Variants in ZNF667 observed in about 807,000 individuals in gnomAD.
ZNF667 encodes zinc finger protein 667.
Under a neutral mutation model 31.8 loss-of-function variants are expected in ZNF667, and 13 were observed. The observed-to-expected ratio is 0.41, with a 90% CI of 0.27 to 0.65. The LOEUF (loss-of-function observed/expected upper bound fraction) is 0.65. Ranked by LOEUF, ZNF667 falls within the 30% of genes least tolerant of loss-of-function variation. ZNF667 has a pLI of 0.32. For missense variants in ZNF667, 642 were observed against 725.6 expected (o/e 0.88, Z 1.32); for synonymous variants, 228 against 247.1 (o/e 0.92, Z 0.73).
Position 56,440,793 on chromosome 19 carries a change from C to T in ZNF667, c.*369G>A, listed in dbSNP as rs1168732737. On this transcript the variant is annotated 3_prime_UTR_variant, in exon 7 of 7. Transcript: ENST00000504904. Reference sequence around the variant, plus strand: ...CTGAGATTACAGGTGCGCACCACCACGCCCAGCTAATTTTGTATTTTTTAG... The same window carrying T: ...CTGAGATTACAGGTGCGCACCACCATGCCCAGCTAATTTTGTATTTTTTAG... 1.3e-5 allele frequency: 8 copies of T among 613,264 alleles called. No individual in the cohort carries two copies. The highest frequency in any genetic ancestry group is 1.2e-4 in the African/African-American group (6 of 50,598). The allele number at this position is 613,264 out of a possible 1,614,324, so 38.0% of individuals were successfully genotyped here.
intron 4 of ZNF667, 110 bp from the exon 5 acceptor site, chr19:56,460,925 T>C: frequency 8.5e-7 from 1 of 1,183,040 alleles, no homozygotes. Context: ...CAAGAATCAT[T>C]CAGGAAGCAT....
At position 56,442,705 on chromosome 19, in the gene ZNF667, G is replaced by A. The variant is rs752230226; in HGVS notation, c.290C>T (p.Pro97Leu). 23 of 1,602,690 alleles carry A rather than the reference G, an allele frequency of 1.4e-5. No individual in the cohort carries two copies. The highest frequency in any genetic ancestry group is 6.8e-6 in the Non-Finnish European group (8 of 1,176,268). Residue 97 changes from proline (P) to leucine (L), a missense_variant, in exon 7 of 7, where the codon CCA becomes CTA. Coordinates refer to ENST00000504904, the MANE Select transcript of ZNF667 (RefSeq NM_001321356.2). ...TTGCCCAGATTTGTTGCATTGATTT[G>A]GAGGTAACTTCTTGGTCTCACATTT... is the stretch of plus-strand genomic sequence containing the variant. ...GSKCETKKLPPNQCNKSGQSI... is the reference protein window; with the variant it reads ...GSKCETKKLPLNQCNKSGQSI...
intron 1 of ZNF667, chr19:56,475,866 C>T (rs1267284362): frequency 3.3e-5 from 5 of 152,258 alleles, no homozygotes; most frequent in Admixed American, 2.6e-4. Context: ...CCTGCCTACA[C>T]AATTCTGAAC....
In ZNF667 at chr19:56,440,688, G is replaced by A. The variant is rs2042582990; in HGVS notation, c.*474C>T. The A allele has an allele frequency of 1.4e-6, 1 of 739,412 alleles. No homozygotes were observed. Among genetic ancestry groups the A allele is most frequent in the Non-Finnish European group, 1.7e-6 (1 of 604,872 alleles). The allele number at this position is 739,412 out of a possible 1,614,324, so 45.8% of individuals were successfully genotyped here. On this transcript the variant is annotated 3_prime_UTR_variant, in exon 7 of 7. Coordinates refer to ENST00000504904, the MANE Select transcript of ZNF667 (RefSeq NM_001321356.2). ...GTCTTGCTCTGTTGCCCAGACTGGA[G>A]TGCAGTGGTGCAATCTCTGCTCGGT...
intron 3 of ZNF667, among the ~76,000 whole-genome samples, chr19:56,466,355 C>G (rs1233418203): frequency 6.6e-6 from 1 of 152,210 alleles, no homozygotes; most frequent in Non-Finnish European, 1.5e-5. Context: ...CTCTATCACA[C>G]CCCTCAGCTG....
chr19:56,447,390 C>G (rs1012965191), intron 6 of ZNF667, among the ~76,000 whole-genome samples: 1 of 152,128 alleles, frequency 6.6e-6, no homozygotes, highest in Non-Finnish European at 1.5e-5. Context: ...AGTAAATCTA[C>G]AAGAAAGATT....
chr19:56,461,195 G>C (rs1015036962), intron 4 of ZNF667, among the ~76,000 whole-genome samples: 21 of 152,134 alleles, frequency 1.4e-4, no homozygotes, highest in African/African-American at 4.6e-4. Flanking sequence ...AGAGAGATGA[G>C]AAAACTTACT....
intron 3 of ZNF667, chr19:56,467,138 G>A (rs2043179741): frequency 6.9e-6 from 3 of 435,652 alleles, no homozygotes; most frequent in South Asian, 3.3e-5. Flanking sequence ...AGCACTGTGT[G>A]CCATGCCGGC....
At chr19:56,446,381 T>C (rs1187441584) in intron 6 of ZNF667, among the ~76,000 whole-genome samples, 1 of 152,218 alleles carries the variant, frequency 6.6e-6, no homozygotes, top group African/African-American at 2.4e-5. Flanking sequence ...TTTCCTTTTT[T>C]CTTTTCCTTT....
chr19:56,466,904 C>T, intron 3 of ZNF667: 1 of 423,998 alleles, frequency 2.4e-6, no homozygotes, highest in Non-Finnish European at 4.7e-6. Context: ...TTTCCCATTC[C>T]TTCTCCTGCT....
intron 5 of ZNF667, among the ~76,000 whole-genome samples, chr19:56,458,833 T>C (rs982176123): frequency 6.6e-6 from 1 of 152,154 alleles, no homozygotes; most frequent in Non-Finnish European, 1.5e-5. Flanking sequence ...CTCTGTAATA[T>C]CTTTTACACT....
intron 6 of ZNF667, among the ~76,000 whole-genome samples, chr19:56,449,986 T>A (rs60214906): frequency 0.078 from 11,764 of 151,282 alleles, 940 homozygotes; most frequent in East Asian, 0.33. Flanking sequence ...ATCTAGTATA[T>A]AGACCCAAAA....
intron 6 of ZNF667, among the ~76,000 whole-genome samples, chr19:56,450,430 G>T (rs949541282): frequency 6.6e-6 from 1 of 152,188 alleles, no homozygotes; most frequent in East Asian, 1.9e-4. Context: ...AAAGCTGAGA[G>T]ATTTTGTCAA....
rs1201114581 is a variant in ZNF667 at position 56,439,873 on chromosome 19, TTG to T, written c.*1287_*1288del. 6.6e-6 allele frequency: 1 copy of T among 152,352 alleles called. No homozygotes were observed. The highest frequency in any genetic ancestry group is 1.9e-4 in the East Asian group (1 of 5,200). 9.4% of individuals were successfully genotyped at this position (152,352 alleles called of 1,614,324 possible). ...CGGGGTTTCACCGTGTTAGCCAGGA[TTG>T]TCTCAATCTCCTGACCTCATGATCC... On this transcript the variant is annotated 3_prime_UTR_variant, in exon 7 of 7. Transcript: ENST00000504904.
chr19:56,460,698 C>A lies in ZNF667; in HGVS notation c.151G>T (p.Val51Phe). 6.2e-7 allele frequency: 1 copy of A among 1,611,540 alleles called. No individual in the cohort carries two copies. The highest frequency in any genetic ancestry group is 8.5e-7 in the Non-Finnish European group (1 of 1,178,922). ...DVMLENYRNL[V>F]SLGLSFRRPN... is the part of the protein sequence containing the mutation. ...GGACGAAGAGCCTTACCAAGCGAGACCAGGTTCCGGTAATTCTCCAACATG... is the reference window on the plus strand; with the variant it reads ...GGACGAAGAGCCTTACCAAGCGAGAACAGGTTCCGGTAATTCTCCAACATG... Residue 51 changes from valine to phenylalanine, a missense_variant, in exon 5 of 7, where the codon GTC (valine) becomes TTC (phenylalanine). Coordinates refer to ENST00000504904, the MANE Select transcript of ZNF667 (RefSeq NM_001321356.2).
At chr19:56,475,573 G>C (rs1568458416) in intron 1 of ZNF667, 2 of 152,072 alleles carry the variant, frequency 1.3e-5, no homozygotes, top group Admixed American at 6.5e-5. Flanking sequence ...CTGGTAAATA[G>C]AGCCCAGGGT....
rs2043304736 is a variant in ZNF667, at chr19:56,472,098, A to C, written c.-459T>G. On this transcript the variant is annotated 5_prime_UTR_variant, in exon 3 of 7. Transcript: ENST00000504904. The stretch of plus-strand genomic sequence containing the variant: ...TGTGAGGCCTCCCCAGCCACGTAGA[A>C]CTGTGAGTCTGGGTATGTCTTTATC... The C allele has an allele frequency of 6.6e-6, 1 of 152,272 alleles. No individual in the cohort carries two copies. The highest frequency in any genetic ancestry group is 2.4e-5 in the African/African-American group (1 of 41,428). 9.4% of individuals were successfully genotyped at this position (152,272 alleles called of 1,614,324 possible).
At chr19:56,470,254 A>T (rs2043263047) in intron 3 of ZNF667, among the ~76,000 whole-genome samples, 1 of 152,152 alleles carries the variant, frequency 6.6e-6, no homozygotes, top group South Asian at 2.1e-4. Flanking sequence ...GTTCTGTGGG[A>T]TGTGAGTTTG....
intron 3 of ZNF667, among the ~76,000 whole-genome samples, chr19:56,470,398 G>A (rs1009914165): frequency 6.6e-6 from 1 of 152,226 alleles, no homozygotes; most frequent in Non-Finnish European, 1.5e-5. Flanking sequence ...AAGCTGTGCT[G>A]GCTCCTTTCT....
Sources: gnomAD v4.1 joint callset for allele counts (sites outside exome capture counted in the v4.1 genomes callset) on GRCh38, gnomAD v4.1.1 for gene constraint, MANE v1.5 for transcripts, NCBI Gene and HGNC (gene_info 2026-07-23, HGNC 2026-07-21) for gene names.